Variants in TMEM132D observed in about 807,000 individuals in gnomAD.
TMEM132D encodes the protein transmembrane protein 132D.
A neutral mutation model predicts 62.3 loss-of-function variants in TMEM132D; 21 were observed. The ratio of observed to expected loss-of-function variants is 0.34; its 90% CI spans 0.24 to 0.49. The LOEUF is 0.49. TMEM132D is among the 20% of genes least tolerant of loss of function. TMEM132D has a pLI of 0.99. For synonymous variants in TMEM132D, 621 were observed against 575.6 expected, an observed-to-expected ratio of 1.08 and a Z score of -1.13; for missense variants, 1,346 against 1,402.8, an observed-to-expected ratio of 0.96 and a Z score of 0.65.
At chr12:129,864,366 A>G (rs1229298213) in intron 1 of TMEM132D, among the ~76,000 whole-genome samples, 1 of 152,196 alleles carries the variant, frequency 6.6e-6, no homozygotes, top group African/African-American at 2.4e-5. Flanking sequence ...TCTCCTATAG[A>G]AACAGCAAAA....
At position 129,078,601 on chromosome 12, in the gene TMEM132D, C is replaced by T; in HGVS notation, c.2048G>A (p.Ser683Asn). 1.2e-6 allele frequency: 2 copies of T among 1,614,194 alleles called. No homozygotes were observed. Among genetic ancestry groups the T allele is most frequent in the Non-Finnish European group, 1.7e-6 (2 of 1,180,044 alleles). ...AAAGATGGCCCTGTTGCTTCCTGGG[C>T]TGAGCTGCAAGGAGAGTGACAGCCC... is the stretch of plus-strand genomic sequence containing the variant. ...VTGLSLSLQL[S>N]PGSNRAIFAT... is the part of the protein sequence containing the mutation. Residue 683 changes from serine to asparagine, a missense_variant, in exon 8 of 9, where the codon AGC becomes AAC. Transcript: ENST00000422113.
intron 2 of TMEM132D, among the ~76,000 whole-genome samples, chr12:129,580,662 C>T (rs1877824470): frequency 6.6e-6 from 1 of 151,952 alleles, no homozygotes. Context: ...CGAGATCGCG[C>T]CACTGCACTC....
At chr12:129,187,833 G>A (rs1054311082) in intron 5 of TMEM132D, among the ~76,000 whole-genome samples, 9 of 152,202 alleles carry the variant, frequency 5.9e-5, no homozygotes, top group African/African-American at 1.9e-4. Context: ...CCACTCTTAC[G>A]AAGTCGTATA....
At chr12:129,259,937 C>G (rs1489565135) in intron 4 of TMEM132D, among the ~76,000 whole-genome samples, 1 of 151,916 alleles carries the variant, frequency 6.6e-6, no homozygotes, top group Non-Finnish European at 1.5e-5. Context: ...TTGGGAAGAA[C>G]TGGAACCAAG....
chr12:129,619,725 T>C (rs1879013205), intron 2 of TMEM132D, among the ~76,000 whole-genome samples: 1 of 152,254 alleles, frequency 6.6e-6, no homozygotes, highest in African/African-American at 2.4e-5. Context: ...GAGGATCATC[T>C]GACATTTGGT....
At chr12:129,482,678 T>C (rs953368492) in intron 3 of TMEM132D, among the ~76,000 whole-genome samples, 2 of 152,132 alleles carry the variant, frequency 1.3e-5, no homozygotes, top group African/African-American at 4.8e-5. Flanking sequence ...AAGATCAGCA[T>C]CTGAAAACTT....
intron 2 of TMEM132D, among the ~76,000 whole-genome samples, chr12:129,532,932 C>T (rs1410962949): frequency 1.3e-5 from 2 of 152,166 alleles, no homozygotes; most frequent in Non-Finnish European, 2.9e-5. Context: ...GTGCCTTTTC[C>T]CTCTGCGGAC....
chr12:129,113,163 C>T (rs1475856002), intron 5 of TMEM132D: 1 of 152,222 alleles, frequency 6.6e-6, no homozygotes, highest in East Asian at 1.9e-4. Context: ...ACAGAACCCT[C>T]ATCTGGCCAC....
At chr12:129,636,447 T>G (rs1057493170) in intron 2 of TMEM132D, among the ~76,000 whole-genome samples, 2 of 152,122 alleles carry the variant, frequency 1.3e-5, no homozygotes, top group African/African-American at 4.8e-5. Flanking sequence ...TGGTCAGTTG[T>G]CCCTGAAAAA....
intron 2 of TMEM132D, among the ~76,000 whole-genome samples, chr12:129,675,510 T>G (rs1880606175): frequency 1.3e-5 from 2 of 152,212 alleles, no homozygotes; most frequent in South Asian, 2.1e-4. Flanking sequence ...CGGCACATTC[T>G]GCACATGTAT....
At chr12:129,385,116 C>T (rs1168095232) in intron 3 of TMEM132D, among the ~76,000 whole-genome samples, 3 of 93,908 alleles carry the variant, frequency 3.2e-5, no homozygotes, top group African/African-American at 4.6e-5. Flanking sequence ...TTTTTTGAGA[C>T]GTCGTTTTGC....
chr12:129,082,367 T>C (rs2135617450), intron 6 of TMEM132D, among the ~76,000 whole-genome samples: 1 of 152,288 alleles, frequency 6.6e-6, no homozygotes, highest in South Asian at 2.1e-4. Context: ...GCAAAAGTGA[T>C]TGGATGGTCA....
chr12:129,478,475 T>G (rs992524989), intron 3 of TMEM132D, among the ~76,000 whole-genome samples: 2 of 152,216 alleles, frequency 1.3e-5, no homozygotes, highest in African/African-American at 2.4e-5. Context: ...TGACTACATA[T>G]GTAGACTCAA....
rs547089214 is a variant in TMEM132D at position 129,399,134 on chromosome 12, C to A, written c.1116-61317G>T. Among the ~76,000 whole-genome samples, 763 of 143,978 alleles carry A rather than the reference C, an allele frequency of 5.3e-3. 10 individuals carry two copies. Among genetic ancestry groups the A allele is most frequent in the African/African-American group, 0.021 (720 of 34,028 alleles). The allele number at this position is 143,978 out of a possible 152,430, so 94.5% of individuals were successfully genotyped here. On this transcript the variant is annotated intron_variant, in intron 3 of 8. Transcript: ENST00000422113. ...AGGAGCCCATTCCAGTGATAACCAA[C>A]CTACTTCTGCAGTAGCTAACCCATT...
intron 5 of TMEM132D, among the ~76,000 whole-genome samples, chr12:129,134,559 T>C (rs1007668741): frequency 1.3e-5 from 2 of 152,220 alleles, no homozygotes; most frequent in Non-Finnish European, 2.9e-5. Flanking sequence ...GGATCTTGTA[T>C]ATATTATCTT....
rs79560366 is a variant in TMEM132D, at chr12:129,827,902, T to C, written c.79+75359A>G. Among the ~76,000 whole-genome samples, 14,121 of 152,206 alleles carry C rather than the reference T, an allele frequency of 0.093. 1,011 individuals are homozygous for C. Among genetic ancestry groups the C allele is most frequent in the East Asian group, 0.44 (2,270 of 5,172 alleles). On this transcript the variant is annotated intron_variant, in intron 1 of 8. Transcript: ENST00000422113. This position sits in a 1 kb window ranked among gnomAD's most constrained non-coding sequence, Gnocchi z 9.7. ...CTAAGTGATAAAACCATAATCTTCC[T>C]AAAGAAATGGGCCACATGTTTGTTT...
chr12:129,179,482 T>C (rs1382706153), intron 5 of TMEM132D, among the ~76,000 whole-genome samples: 1 of 152,180 alleles, frequency 6.6e-6, no homozygotes, highest in Non-Finnish European at 1.5e-5. Flanking sequence ...TTCTCTCCAG[T>C]TGTTTCATAT....
intron 1 of TMEM132D, among the ~76,000 whole-genome samples, chr12:129,828,135 G>A (rs1489704171): frequency 6.6e-6 from 1 of 152,074 alleles, no homozygotes; most frequent in African/African-American, 2.4e-5. Flanking sequence ...GCAAAATAAA[G>A]GCTAAGCAGG....
At chr12:129,144,093 C>T (rs148945080) in intron 5 of TMEM132D, among the ~76,000 whole-genome samples, 1 of 152,062 alleles carries the variant, frequency 6.6e-6, no homozygotes, top group Admixed American at 6.5e-5. Context: ...CATCCTCCCC[C>T]ACTTCTAGCC....
Sources: gnomAD v4.1 joint callset for allele counts (sites outside exome capture counted in the v4.1 genomes callset) on GRCh38, gnomAD v4.1.1 for gene constraint, Gnocchi (gnomAD v3.1) non-coding constraint, MANE v1.5 for transcripts, NCBI Gene and HGNC (gene_info 2026-07-23, HGNC 2026-07-21) for gene names.